The following HS3ST4 variants were observed in gnomAD, a reference collection of about 807,000 sequenced individuals.
HS3ST4 encodes the protein heparan sulfate-glucosamine 3-sulfotransferase 4.
HS3ST4 carries 17 observed loss-of-function variants against 29.2 expected under a neutral mutation model. The observed-to-expected ratio is 0.58, with a 90% CI of 0.40 to 0.87. The LOEUF (loss-of-function observed/expected upper bound fraction) is 0.87, where lower values mean the gene tolerates loss of function less well. Ranked by LOEUF, HS3ST4 falls within the 40% of genes least tolerant of loss-of-function variation. HS3ST4 has a pLI of 0.00. For synonymous variants in HS3ST4, 314 were observed against 285.7 expected (o/e 1.10, Z -1.00); for missense variants, 627 against 634.5 (o/e 0.99, Z 0.13).
At chr16:25,959,085 A>G (rs1968767363) in intron 1 of HS3ST4, among the ~76,000 whole-genome samples, 1 of 152,176 alleles carries the variant, frequency 6.6e-6, no homozygotes, top group African/African-American at 2.4e-5. Flanking sequence ...TCATCTCCTC[A>G]AGGAATTTAG....
At chr16:26,035,566 G>A (rs992101215) in intron 1 of HS3ST4, among the ~76,000 whole-genome samples, 8 of 152,098 alleles carry the variant, frequency 5.3e-5, no homozygotes, top group African/African-American at 1.4e-4. Context: ...TTCTCCCTCA[G>A]TCTCCCATAT....
At chr16:26,010,722 G>A (rs1349783990) in intron 1 of HS3ST4, among the ~76,000 whole-genome samples, 1 of 152,150 alleles carries the variant, frequency 6.6e-6, no homozygotes, top group African/African-American at 2.4e-5. Context: ...GAGAAAAATA[G>A]CTAATACCGC....
intron 1 of HS3ST4, among the ~76,000 whole-genome samples, chr16:25,857,830 G>A (rs1021404012): frequency 6.6e-6 from 1 of 151,852 alleles, no homozygotes; most frequent in African/African-American, 2.4e-5. Flanking sequence ...TTTTGTCCTG[G>A]AATCCTTAAT....
intron 1 of HS3ST4, among the ~76,000 whole-genome samples, chr16:25,977,902 TG>T (rs1349685137): frequency 4.6e-5 from 7 of 152,060 alleles, no homozygotes; most frequent in Non-Finnish European, 5.9e-5. Context: ...AGCCCTCAGC[TG>T]GAGATCTTTC....
At chr16:25,950,159 A>T (rs1968669289) in intron 1 of HS3ST4, among the ~76,000 whole-genome samples, 1 of 152,110 alleles carries the variant, frequency 6.6e-6, no homozygotes, top group Non-Finnish European at 1.5e-5. Context: ...GGAGGAAAAA[A>T]AATGGAGGCT....
intron 1 of HS3ST4, among the ~76,000 whole-genome samples, chr16:26,022,700 G>A (rs1218837835): frequency 1.4e-5 from 2 of 145,912 alleles, no homozygotes; most frequent in African/African-American, 5.1e-5. Context: ...TTTTTTAAGA[G>A]AGTCTTGCTA....
At position 26,136,127 on chromosome 16, in the gene HS3ST4, A is replaced by T; in HGVS notation, c.1250A>T (p.His417Leu). The change falls in exon 2 of 2, where the codon CAT becomes CTT. Residue 417 changes from histidine (H) to leucine (L), a missense_variant. His to Leu is a moderately conservative substitution (Grantham distance 99). This residue lies in a region of HS3ST4 where 225 missense variants were observed against 293.7 expected (regional missense o/e 0.77). Transcript: ENST00000331351. ...RCLGKSKGRT[H>L]PRIDPDVIHR... is the part of the protein sequence containing the mutation. Reference sequence around the variant, plus strand: ...TTAGGCAAGAGCAAAGGTCGGACTCATCCTCGCATTGACCCAGATGTCATC... The same window carrying T: ...TTAGGCAAGAGCAAAGGTCGGACTCTTCCTCGCATTGACCCAGATGTCATC... The T allele has an allele frequency of 6.2e-7, 1 of 1,613,518 alleles. No homozygotes were observed. Among genetic ancestry groups the T allele is most frequent in the Non-Finnish European group, 8.5e-7 (1 of 1,179,684 alleles).
chr16:25,776,224 C>T (rs947131185), intron 1 of HS3ST4, among the ~76,000 whole-genome samples: 2 of 152,124 alleles, frequency 1.3e-5, no homozygotes. Context: ...CTGGCTATGA[C>T]TGTGAAAGGA....
chr16:26,066,530 C>G (rs1898544214), intron 1 of HS3ST4, among the ~76,000 whole-genome samples: 1 of 152,160 alleles, frequency 6.6e-6, no homozygotes. Flanking sequence ...TTCTTTCCTT[C>G]TCTCCCTCTC....
At chr16:25,882,923 ATTCCT>A in intron 1 of HS3ST4, among the ~76,000 whole-genome samples, 7 of 152,168 alleles carry the variant, frequency 4.6e-5, no homozygotes, top group African/African-American at 1.7e-4. Flanking sequence ...ACCAGCTGTC[ATTCCT>A]GTTCTACTGC....
chr16:25,848,785 CT>C (rs1567254555), intron 1 of HS3ST4, among the ~76,000 whole-genome samples: 1 of 151,620 alleles, frequency 6.6e-6, no homozygotes, highest in African/African-American at 2.4e-5. Context: ...TTTATTCCTT[CT>C]CTTTTTTTTG....
At chr16:26,119,403 G>C (rs1283137764) in intron 1 of HS3ST4, among the ~76,000 whole-genome samples, 1 of 152,226 alleles carries the variant, frequency 6.6e-6, no homozygotes, top group African/African-American at 2.4e-5. Context: ...TTTAGAAATA[G>C]AGGCCACAGA....
At chr16:25,883,145 ATTTT>A (rs10581302) in intron 1 of HS3ST4, among the ~76,000 whole-genome samples, 1,611 of 142,006 alleles carry the variant, frequency 0.011, 26 homozygotes, top group African/African-American at 0.039. Context: ...GGCCCATACG[ATTTT>A]TTTTTTTTTT....
chr16:25,714,623 G>C (rs1966439730), intron 1 of HS3ST4, among the ~76,000 whole-genome samples: 1 of 152,218 alleles, frequency 6.6e-6, no homozygotes, highest in African/African-American at 2.4e-5. Flanking sequence ...AGCTGCATCT[G>C]TTTTGTCTCC....
At chr16:25,798,636 T>G (rs1487552996) in intron 1 of HS3ST4, among the ~76,000 whole-genome samples, 1 of 152,146 alleles carries the variant, frequency 6.6e-6, no homozygotes, top group African/African-American at 2.4e-5. Context: ...TTTTGAACAA[T>G]AATAAAATCT....
intron 1 of HS3ST4, among the ~76,000 whole-genome samples, chr16:25,789,314 T>TCTC (rs986215763): frequency 6.6e-6 from 1 of 151,642 alleles, no homozygotes; most frequent in African/African-American, 2.4e-5. Context: ...TTTCTTTCTT[T>TCTC]CTCCTCCTCC....
At chr16:25,733,183 T>A (rs1966583263) in intron 1 of HS3ST4, among the ~76,000 whole-genome samples, 1 of 152,238 alleles carries the variant, frequency 6.6e-6, no homozygotes, top group Admixed American at 6.5e-5. Flanking sequence ...CACATGCATC[T>A]TATTTTGTTT....
At chr16:25,916,822 G>T (rs1285751507) in intron 1 of HS3ST4, among the ~76,000 whole-genome samples, 1 of 151,874 alleles carries the variant, frequency 6.6e-6, no homozygotes, top group Non-Finnish European at 1.5e-5. Context: ...TGGGACTACA[G>T]GCGCCTGCGA....
At chr16:26,060,339 T>A (rs1377696384) in intron 1 of HS3ST4, among the ~76,000 whole-genome samples, 1 of 152,162 alleles carries the variant, frequency 6.6e-6, no homozygotes, top group Non-Finnish European at 1.5e-5. Flanking sequence ...ACAGTAAGGA[T>A]ACATTAATTG....
Sources: gnomAD v4.1 joint callset for allele counts (sites outside exome capture counted in the v4.1 genomes callset) on GRCh38, gnomAD v4.1.1 for gene constraint, gnomAD v4.1.1 regional missense constraint, MANE v1.5 for transcripts, NCBI Gene and HGNC (gene_info 2026-07-23, HGNC 2026-07-21) for gene names.